Variants in TMLHE observed in about 807,000 individuals in gnomAD.
The protein encoded by TMLHE is trimethyllysine hydroxylase, epsilon, also known as trimethyllysine dioxygenase, mitochondrial.
Under a neutral mutation model 25.7 loss-of-function variants are expected in TMLHE, and 18 were observed. That is an observed-to-expected ratio of 0.70 (90% confidence interval 0.48 to 1.04). The LOEUF (loss-of-function observed/expected upper bound fraction) is 1.04. Ranked by LOEUF, TMLHE falls within the 50% of genes least tolerant of loss-of-function variation. TMLHE has a pLI of 0.00. For missense variants in TMLHE, 236 were observed against 259.0 expected, an observed-to-expected ratio of 0.91 and a Z score of 0.61; for synonymous variants, 105 against 97.0, an observed-to-expected ratio of 1.08 and a Z score of -0.49.
At position 155,521,881 on chromosome X, in the gene TMLHE, C is replaced by A. The variant is rs1379650938; in HGVS notation, c.358+2575G>T. The stretch of plus-strand genomic sequence containing the variant: ...GGCAATGCCTCGCCCTGCTTCGGCT[C>A]GCGCACGGTGCGCACACACACTGGC... On this transcript the variant is annotated intron_variant, in intron 3 of 7. Transcript: ENST00000334398. Among the ~76,000 whole-genome samples, 7 of 85,870 alleles carry A rather than the reference C, an allele frequency of 8.2e-5. No individual in the cohort carries two copies. In the East Asian group the frequency reaches 2.6e-3, roughly 32 times the overall value. The allele number at this position is 85,870 out of a possible 115,157, so 74.6% of individuals were successfully genotyped here.
intron 1 of TMLHE, among the ~76,000 whole-genome samples, chrX:155,607,904 C>T (rs782049689): frequency 8.1e-5 from 9 of 111,712 alleles, no homozygotes; most frequent in African/African-American, 1.3e-4. Flanking sequence ...TGAAAGAAAT[C>T]GGAGATGATA....
intron 2 of TMLHE, among the ~76,000 whole-genome samples, chrX:155,534,351 C>T (rs2067266296): frequency 9.0e-6 from 1 of 110,972 alleles, no homozygotes; most frequent in South Asian, 3.8e-4. Flanking sequence ...CTCCTGCCTT[C>T]GTCTCCCTGG....
chrX:155,544,518 G>A lies in TMLHE; in HGVS notation c.181+578C>T, dbSNP rs189519009. 9.0e-5 allele frequency among the ~76,000 whole-genome samples: 10 copies of A among 111,705 alleles called. No homozygotes were observed. The East Asian group carries it at 2.8e-3, about 31-fold the overall frequency. ...AAAACTCTCTCCCAAAGGGAGCATG[G>A]CCTTACCAACCCTCCAAGACTATGA... On this transcript the variant is annotated intron_variant, in intron 2 of 7. Coordinates refer to ENST00000334398, the MANE Select transcript of TMLHE (RefSeq NM_018196.4).
chrX:155,573,425 C>T lies in TMLHE; in HGVS notation c.-1-28148G>A, dbSNP rs1161878136. On this transcript the variant is annotated intron_variant, in intron 1 of 7. Transcript: ENST00000334398. ...TCAACCATTGTGGAAGTCAGTGTGG[C>T]GATTCCTCAGGGATCTAGAACTAGA... is the stretch of plus-strand genomic sequence containing the variant. 7.1e-5 allele frequency among the ~76,000 whole-genome samples: 4 copies of T among 56,059 alleles called. 1 individual carries two copies. Among genetic ancestry groups the T allele is most frequent in the Non-Finnish European group, 9.3e-5 (2 of 21,457 alleles). The allele number at this position is 56,059 out of a possible 115,157, so 48.7% of individuals were successfully genotyped here.
At chrX:155,523,618 T>C (rs2067201876) in intron 3 of TMLHE, among the ~76,000 whole-genome samples, 1 of 111,695 alleles carries the variant, frequency 9.0e-6, no homozygotes, top group Non-Finnish European at 1.9e-5. Context: ...TTTTCAAAAT[T>C]GTTTTGCCTC....
Position 155,511,427 on chromosome X carries a change from T to TC in TMLHE, c.758+245_758+246insG, listed in dbSNP as rs1463121278. ...GAACCATGAGACAATTAAATCTCTC[T>TC]TTTTTTTTTTTATAAATTACCCAGT... On this transcript the variant is annotated intron_variant, in intron 5 of 7. Coordinates refer to ENST00000334398, the MANE Select transcript of TMLHE (RefSeq NM_018196.4). Among the ~76,000 whole-genome samples the TC allele has an allele frequency of 3.8e-3, 69 of 18,365 alleles. 1 individual carries two copies. The highest frequency in any genetic ancestry group is 4.3e-3 in the African/African-American group (43 of 9,987). The allele number at this position is 18,365 out of a possible 115,157, so 15.9% of individuals were successfully genotyped here.
At chrX:155,515,467 A>G (rs781927759) in intron 3 of TMLHE, among the ~76,000 whole-genome samples, 113 of 110,788 alleles carry the variant, frequency 1.0e-3, no homozygotes, top group African/African-American at 3.6e-3. Flanking sequence ...ATTTAGAAAT[A>G]GAATGTATAT....
At chrX:155,581,470 C>T (rs1213341571) in intron 1 of TMLHE, among the ~76,000 whole-genome samples, 4 of 111,997 alleles carry the variant, frequency 3.6e-5, no homozygotes, top group Non-Finnish European at 7.5e-5. Flanking sequence ...GCAACTTCAG[C>T]AAAGTCTCAG....
chrX:155,585,741 T>C (rs1270123317), intron 1 of TMLHE, among the ~76,000 whole-genome samples: 1 of 111,609 alleles, frequency 9.0e-6, no homozygotes, highest in Non-Finnish European at 1.9e-5. Context: ...AAAGAAAATT[T>C]CATCCAACAA....
chrX:155,590,247 G>A (rs1333625272), intron 1 of TMLHE, among the ~76,000 whole-genome samples: 1 of 111,916 alleles, frequency 8.9e-6, no homozygotes, highest in African/African-American at 3.2e-5. Flanking sequence ...AATAATTTAT[G>A]AAAGTGTATG....
At chrX:155,538,073 TTCC>T (rs1168684328) in intron 2 of TMLHE, among the ~76,000 whole-genome samples, 73 of 111,264 alleles carry the variant, frequency 6.6e-4, no homozygotes, top group African/African-American at 2.1e-3. Context: ...TTGAAATGTA[TTCC>T]TCCTATCTAA....
rs1453532528 is a variant in TMLHE at position 155,545,001 on chromosome X, CGATTTTATCATTCCAATTTTT to C, written c.181+74_181+94del. 71 of 987,312 alleles carry C rather than the reference CGATTTTATCATTCCAATTTTT, an allele frequency of 7.2e-5. No individual in the cohort carries two copies. The African/African-American group carries it at 1.3e-3, about 18-fold the overall frequency. The allele number at this position is 987,312 out of a possible 1,213,427, so 81.4% of individuals were successfully genotyped here. On this transcript the variant is annotated intron_variant, in intron 2 of 7. Transcript: ENST00000334398. ...TTTTGTACTATGTGTTTTCTTACCA[CGATTTTATCATTCCAATTTTT>C]GATATATGTGCTGCCAAAGCAAACA...
At chrX:155,536,955 T>C (rs1386878921) in intron 2 of TMLHE, among the ~76,000 whole-genome samples, 1 of 111,882 alleles carries the variant, frequency 8.9e-6, no homozygotes, top group Non-Finnish European at 1.9e-5. Flanking sequence ...AGAAAAGAAA[T>C]TTGAAACTCA....
intron 1 of TMLHE, among the ~76,000 whole-genome samples, chrX:155,548,139 C>G (rs1273728780): frequency 2.7e-5 from 3 of 111,949 alleles, no homozygotes; most frequent in East Asian, 2.8e-4. Flanking sequence ...AACTATGAAA[C>G]TACTACAAGA....
chrX:155,604,542 C>T (rs944602585), intron 1 of TMLHE, among the ~76,000 whole-genome samples: 2 of 111,590 alleles, frequency 1.8e-5, no homozygotes, highest in Admixed American at 1.9e-4. Flanking sequence ...AGGTCCCTGC[C>T]CCTGCTGCTC....
At chrX:155,544,725 T>C (rs1440739259) in intron 2 of TMLHE, among the ~76,000 whole-genome samples, 2 of 111,248 alleles carry the variant, frequency 1.8e-5, no homozygotes, top group Non-Finnish European at 3.8e-5. Flanking sequence ...TTTCTTTATT[T>C]TTTTTTCCCT....
chrX:155,600,572 C>T (rs1317208329), intron 1 of TMLHE, among the ~76,000 whole-genome samples: 3 of 111,949 alleles, frequency 2.7e-5, no homozygotes, highest in African/African-American at 9.8e-5. Context: ...ACCAACATCA[C>T]AGCTGACAAA....
chrX:155,548,530 ATGAGGCCAGCCTGACTAACATGG>A (rs1347137149), intron 1 of TMLHE, among the ~76,000 whole-genome samples: 5 of 108,051 alleles, frequency 4.6e-5, no homozygotes, highest in Middle Eastern at 4.7e-3. Flanking sequence ...GGTCAGCAGT[ATGAGGCCAGCCTGACTAACATGG>A]TGAAACCCTG....
At chrX:155,557,824 T>C (rs1557341124) in intron 1 of TMLHE, among the ~76,000 whole-genome samples, 2 of 111,174 alleles carry the variant, frequency 1.8e-5, no homozygotes, top group South Asian at 7.5e-4. Context: ...TAAAAAAAGT[T>C]TTCCCCCCAG....
Sources: gnomAD v4.1 joint callset for allele counts (sites outside exome capture counted in the v4.1 genomes callset) on GRCh38, gnomAD v4.1.1 for gene constraint, MANE v1.5 for transcripts, NCBI Gene and HGNC (gene_info 2026-07-23, HGNC 2026-07-21) for gene names.